Variants in SLC44A5 observed in about 807,000 individuals in gnomAD.
SLC44A5 encodes the protein solute carrier family 44 member 5.
SLC44A5 carries 57 observed loss-of-function variants against 101.8 expected under a neutral mutation model. The ratio of observed to expected loss-of-function variants is 0.56; its 90% CI spans 0.45 to 0.70. The LOEUF is 0.70. Among genes scored for constraint, SLC44A5 ranks in the 30% least tolerant of loss-of-function variants. The probability of loss-of-function intolerance (pLI) is 0.00; values close to 1 mark genes in which losing one functional copy is unlikely to be tolerated. For missense variants in SLC44A5, 737 were observed against 853.1 expected, an observed-to-expected ratio of 0.86 and a Z score of 1.70; for synonymous variants, 281 against 290.9, an observed-to-expected ratio of 0.97 and a Z score of 0.35.
intron 2 of SLC44A5, among the ~76,000 whole-genome samples, chr1:75,514,826 AT>A (rs2101879850): frequency 6.6e-6 from 1 of 150,890 alleles, no homozygotes; most frequent in South Asian, 2.1e-4. Context: ...AAAAGAAAAT[AT>A]GATGTTTTGC....
intron 4 of SLC44A5, among the ~76,000 whole-genome samples, chr1:75,305,141 T>G (rs1654804437): frequency 1.3e-5 from 2 of 152,236 alleles, no homozygotes; most frequent in Admixed American, 6.5e-5. Flanking sequence ...TCCACAAATA[T>G]TGTATGCCTA....
rs1274005047 is a variant in SLC44A5, at chr1:75,402,463, T to G, written c.14-5842A>C. ...CAAGATCAACGCAGAAGGCAGGTGA[T>G]TTCTGCATTTTGAACTGAGGTACCC... On this transcript the variant is annotated intron_variant, in intron 2 of 23. Transcript: ENST00000370859. 1.5e-5 allele frequency: 6 copies of G among 394,564 alleles called. 1 individual carries two copies. The highest frequency in any genetic ancestry group is 3.2e-5 in the Non-Finnish European group (6 of 190,208). The allele number at this position is 394,564 out of a possible 1,614,324, so 24.4% of individuals were successfully genotyped here. A position where few individuals can be genotyped will look rare whatever the true frequency, so the allele number is the denominator to read the frequency against.
intron 7 of SLC44A5, among the ~76,000 whole-genome samples, chr1:75,247,244 A>C (rs1649185256): frequency 6.6e-6 from 1 of 152,088 alleles, no homozygotes; most frequent in South Asian, 2.1e-4. Flanking sequence ...AGGAGAGCTC[A>C]AACATGGGTA....
At chr1:75,368,328 A>G (rs1659995678) in intron 3 of SLC44A5, among the ~76,000 whole-genome samples, 1 of 152,204 alleles carries the variant, frequency 6.6e-6, no homozygotes, top group South Asian at 2.1e-4. Flanking sequence ...AAATCCACAG[A>G]CGCTTAAGTC....
chr1:75,345,303 A>G (rs1438220571), intron 3 of SLC44A5, among the ~76,000 whole-genome samples: 1 of 150,926 alleles, frequency 6.6e-6, no homozygotes, highest in Non-Finnish European at 1.5e-5. Context: ...CTGGGTATCA[A>G]ATTAACTGGT....
At chr1:75,632,869 T>C in the SLC44A5 span, among the ~76,000 whole-genome samples, 25 of 152,216 alleles carry the variant, frequency 1.6e-4, no homozygotes, top group African/African-American at 6.0e-4. Flanking sequence ...TAAAAGTTGC[T>C]GTGAGGCTAA....
intron 2 of SLC44A5, among the ~76,000 whole-genome samples, chr1:75,441,572 AAATTTGCTGGAGT>A (rs1665204613): frequency 6.6e-6 from 1 of 152,148 alleles, no homozygotes; most frequent in East Asian, 1.9e-4. Context: ...TAATTGAATT[AAATTTGCTGGAGT>A]ATTGGTTGAA....
At chr1:75,643,810 T>C in the SLC44A5 span, among the ~76,000 whole-genome samples, 2 of 152,270 alleles carry the variant, frequency 1.3e-5, no homozygotes, top group East Asian at 3.8e-4. Context: ...GTGAGTCCAT[T>C]AAACCTCTTT....
chr1:75,367,108 G>C (rs1369245118), intron 3 of SLC44A5, among the ~76,000 whole-genome samples: 2 of 152,168 alleles, frequency 1.3e-5, no homozygotes, highest in African/African-American at 4.8e-5. Context: ...TGTAATCCAG[G>C]TAGCCTTGCA....
At chr1:75,470,812 G>A (rs576979095) in intron 2 of SLC44A5, among the ~76,000 whole-genome samples, 1 of 152,256 alleles carries the variant, frequency 6.6e-6, no homozygotes, top group African/African-American at 2.4e-5. Flanking sequence ...TGGGTAAGGA[G>A]TTAAATAAGA....
At chr1:75,456,934 C>T (rs1666216545) in intron 2 of SLC44A5, among the ~76,000 whole-genome samples, 1 of 152,142 alleles carries the variant, frequency 6.6e-6, no homozygotes, top group African/African-American at 2.4e-5. Flanking sequence ...ACGGACATCC[C>T]CAATAGGTCC....
chr1:75,697,703 C>A, the SLC44A5 span, among the ~76,000 whole-genome samples: 3 of 152,308 alleles, frequency 2.0e-5, no homozygotes, highest in Admixed American at 1.3e-4. Context: ...GTGAGTGACG[C>A]AGAAGACGGG....
intron 9 of SLC44A5, 79 bp downstream of exon 9, chr1:75,241,922 C>A: frequency 7.8e-7 from 1 of 1,278,704 alleles, no homozygotes; most frequent in East Asian, 2.3e-5. Flanking sequence ...TCAGTCTCAT[C>A]AATTGTGAAA....
At chr1:75,537,578 G>A (rs568539926) in intron 2 of SLC44A5, among the ~76,000 whole-genome samples, 2 of 152,306 alleles carry the variant, frequency 1.3e-5, no homozygotes, top group East Asian at 1.9e-4. Flanking sequence ...CTATGGCCAA[G>A]GACAACAGCA....
chr1:75,449,266 A>G (rs910841168), intron 2 of SLC44A5, among the ~76,000 whole-genome samples: 1 of 152,180 alleles, frequency 6.6e-6, no homozygotes, highest in Non-Finnish European at 1.5e-5. Flanking sequence ...GTCTTGCCAC[A>G]TTGGTTGTGT....
rs1646928090 is a variant in SLC44A5, at chr1:75,214,742, T to C, written c.1729-64A>G. 4 of 1,346,912 alleles carry C rather than the reference T, an allele frequency of 3.0e-6. No individual in the cohort carries two copies. The Admixed American group carries it at 7.6e-5, about 26-fold the overall frequency. 83.4% of individuals were successfully genotyped at this position (1,346,912 alleles called of 1,614,324 possible). A position where few individuals can be genotyped will look rare whatever the true frequency, so the allele number is the denominator to read the frequency against. ...ATACTCTAACAAGATCAAAAGACAA[T>C]CCAATGACAGGAAGGTAACCAAATT... is the stretch of plus-strand genomic sequence containing the variant. On this transcript the variant is annotated intron_variant, in intron 19 of 23. Coordinates refer to ENST00000370859, the MANE Select transcript of SLC44A5 (RefSeq NM_001130058.2).
the SLC44A5 span, among the ~76,000 whole-genome samples, chr1:75,675,385 A>G: frequency 6.6e-6 from 1 of 151,926 alleles, no homozygotes; most frequent in Admixed American, 6.6e-5. Context: ...TGTGAGTGGG[A>G]GTTTTTTTCA....
At chr1:75,522,361 A>ATTT (rs1463065950) in intron 2 of SLC44A5, 2,591 of 149,520 alleles carry the variant, frequency 0.017, 63 homozygotes, top group African/African-American at 0.057. Flanking sequence ...TTTTTTTAAA[A>ATTT]AAAAAAAAAG....
chr1:75,721,728 G>A, the SLC44A5 span, among the ~76,000 whole-genome samples: 1 of 152,160 alleles, frequency 6.6e-6, no homozygotes, highest in African/African-American at 2.4e-5. Context: ...TCCAGCATTA[G>A]GGCATTCTTC....
Sources: gnomAD v4.1 joint callset for allele counts (sites outside exome capture counted in the v4.1 genomes callset) on GRCh38, gnomAD v4.1.1 for gene constraint, MANE v1.5 for transcripts, NCBI Gene and HGNC (gene_info 2026-07-23, HGNC 2026-07-21) for gene names.